COG5: variants seen among roughly 807,000 people sequenced by gnomAD.
The protein encoded by COG5 is conserved oligomeric Golgi complex subunit 5.
A neutral mutation model predicts 110.4 loss-of-function variants in COG5; 86 were observed. The observed-to-expected ratio is 0.78, with a 90% confidence interval of 0.65 to 0.93. COG5 has a LOEUF of 0.93. COG5 is among the 40% of genes least tolerant of loss of function. The probability of loss-of-function intolerance (pLI) is 0.00; values close to 1 mark genes in which losing one functional copy is unlikely to be tolerated. For missense variants in COG5, 1,077 were observed against 987.0 expected (o/e 1.09, Z -1.22); for synonymous variants, 360 against 334.6 (o/e 1.08, Z -0.83).
chr7:107,509,480 T>A (rs545125715), intron 6 of COG5, among the ~76,000 whole-genome samples: 49 of 152,316 alleles, frequency 3.2e-4, no homozygotes, highest in African/African-American at 1.2e-3. Flanking sequence ...CTCTGCAGGA[T>A]ATTATCCAGG....
intron 10 of COG5, among the ~76,000 whole-genome samples, chr7:107,325,663 A>G (rs1256467479): frequency 6.6e-6 from 1 of 152,114 alleles, no homozygotes; most frequent in East Asian, 1.9e-4. Flanking sequence ...GAAGCAAACA[A>G]ACAAACAAAA....
chr7:107,347,027 T>A (rs973657414), intron 10 of COG5, among the ~76,000 whole-genome samples: 1 of 152,224 alleles, frequency 6.6e-6, no homozygotes, highest in Non-Finnish European at 1.5e-5. Context: ...TATCATAATG[T>A]ACTAGAATAT....
intron 14 of COG5, among the ~76,000 whole-genome samples, chr7:107,275,671 G>C (rs776916196): frequency 6.6e-6 from 1 of 151,506 alleles, no homozygotes; most frequent in African/African-American, 2.4e-5. Flanking sequence ...TTCTCCTGGC[G>C]CGCCACCACA....
chr7:107,483,889 C>CT (rs1563060411), intron 6 of COG5, among the ~76,000 whole-genome samples: 1 of 4,712 alleles, frequency 2.1e-4, no homozygotes, highest in African/African-American at 9.7e-4. Context: ...TATGGTTATA[C>CT]ATTTTTTTTT....
At chr7:107,335,409 C>A (rs899262561) in intron 10 of COG5, among the ~76,000 whole-genome samples, 1 of 152,052 alleles carries the variant, frequency 6.6e-6, no homozygotes, top group African/African-American at 2.4e-5. Flanking sequence ...TAAAATAAAA[C>A]AAAACAACTT....
At chr7:107,541,251 C>G (rs931675822) in intron 5 of COG5, among the ~76,000 whole-genome samples, 1 of 151,486 alleles carries the variant, frequency 6.6e-6, no homozygotes, top group Non-Finnish European at 1.5e-5. Flanking sequence ...AATTCCAGCA[C>G]TTTGGGAGGC....
chr7:107,503,694 C>G (rs913230691), intron 6 of COG5, among the ~76,000 whole-genome samples: 5 of 152,182 alleles, frequency 3.3e-5, no homozygotes, highest in African/African-American at 1.2e-4. Context: ...TTTTGTAGTT[C>G]ACCTTGTAGA....
intron 6 of COG5, among the ~76,000 whole-genome samples, chr7:107,517,681 G>C (rs1013310013): frequency 2.6e-5 from 4 of 151,284 alleles, no homozygotes; most frequent in Non-Finnish European, 5.9e-5. Context: ...GAAGAGAGTG[G>C]GGGCCAACAT....
rs573649053 is a variant in COG5 at position 107,511,744 on chromosome 7, T to C, written c.538+15493A>G. Among the ~76,000 whole-genome samples the C allele has an allele frequency of 5.9e-5, 9 of 152,236 alleles. No homozygotes were observed. The East Asian group carries it at 1.5e-3, about 26-fold the overall frequency. ...TGGGATGCAAGGCTGGTTTAACATA[T>C]GAAAATCAATAAATGTAATCCAGCA... On this transcript the variant is annotated intron_variant, in intron 6 of 21. Coordinates refer to ENST00000297135, the MANE Select transcript of COG5 (RefSeq NM_006348.5).
chr7:107,459,540 T>TA (rs1795862892), intron 6 of COG5, among the ~76,000 whole-genome samples: 1 of 152,122 alleles, frequency 6.6e-6, no homozygotes, highest in African/African-American at 2.4e-5. Context: ...CTCACGACTG[T>TA]AATTCCAGCA....
At chr7:107,516,161 A>T (rs1204905765) in intron 6 of COG5, among the ~76,000 whole-genome samples, 2 of 152,234 alleles carry the variant, frequency 1.3e-5, no homozygotes, top group African/African-American at 4.8e-5. Context: ...CTGCACTAAA[A>T]TAATTCTGCT....
chr7:107,500,613 A>T (rs1798574731), intron 6 of COG5, among the ~76,000 whole-genome samples: 2 of 152,230 alleles, frequency 1.3e-5, no homozygotes, highest in African/African-American at 2.4e-5. Context: ...AAATAACTTT[A>T]GTTTTAATAT....
At chr7:107,559,134 G>C (rs956307664) in intron 1 of COG5, among the ~76,000 whole-genome samples, 1 of 151,902 alleles carries the variant, frequency 6.6e-6, no homozygotes, top group Admixed American at 6.6e-5. Flanking sequence ...TAAATTTATA[G>C]GTGTTACTGA....
intron 6 of COG5, among the ~76,000 whole-genome samples, chr7:107,489,926 T>C (rs950060659): frequency 1.3e-5 from 2 of 152,144 alleles, no homozygotes; most frequent in Non-Finnish European, 2.9e-5. Flanking sequence ...CTCACAGAGT[T>C]GGGAAGCTTC....
chr7:107,394,742 G>T (rs1043607440), intron 7 of COG5, among the ~76,000 whole-genome samples: 3 of 152,270 alleles, frequency 2.0e-5, no homozygotes, highest in African/African-American at 7.2e-5. Flanking sequence ...GACAGAATTT[G>T]ATGAGAAATA....
chr7:107,232,069 T>A (rs1291359039), intron 18 of COG5, among the ~76,000 whole-genome samples: 1 of 152,196 alleles, frequency 6.6e-6, no homozygotes, highest in Non-Finnish European at 1.5e-5. Context: ...ATTTCTCTCA[T>A]AACATATTAA....
At chr7:107,389,605 G>A (rs1790465745) in intron 7 of COG5, among the ~76,000 whole-genome samples, 1 of 152,168 alleles carries the variant, frequency 6.6e-6, no homozygotes, top group Non-Finnish European at 1.5e-5. Flanking sequence ...CTGTCACAGG[G>A]GACAAGCCCG....
At chr7:107,532,107 A>G (rs1432913401) in intron 5 of COG5, among the ~76,000 whole-genome samples, 1 of 152,170 alleles carries the variant, frequency 6.6e-6, no homozygotes, top group Non-Finnish European at 1.5e-5. Flanking sequence ...CCCAGGCTAG[A>G]GTACAATGGC....
intron 10 of COG5, among the ~76,000 whole-genome samples, chr7:107,334,276 T>C (rs894098678): frequency 6.8e-6 from 1 of 146,736 alleles, no homozygotes; most frequent in Non-Finnish European, 1.5e-5. Flanking sequence ...GAGGACATTA[T>C]GTTAAGTAAG....
Sources: allele counts gnomAD v4.1 joint callset (sites outside exome capture counted in the v4.1 genomes callset), GRCh38; gene constraint gnomAD v4.1.1; transcripts MANE v1.5; gene names NCBI Gene and HGNC (gene_info 2026-07-23, HGNC 2026-07-21).